Variants in KCNH8 observed in about 807,000 individuals in gnomAD.
KCNH8 encodes voltage-gated delayed rectifier potassium channel KCNH8.
Under a neutral mutation model 103.6 loss-of-function variants are expected in KCNH8, and 70 were observed. The observed-to-expected ratio is 0.68, with a 90% CI of 0.56 to 0.82. The LOEUF (loss-of-function observed/expected upper bound fraction) is 0.82. Among genes scored for constraint, KCNH8 ranks in the 40% least tolerant of loss-of-function variants. The pLI is 0.00. For synonymous variants in KCNH8, 498 were observed against 489.4 expected, an observed-to-expected ratio of 1.02 and a Z score of -0.23; for missense variants, 1,217 against 1,329.9, an observed-to-expected ratio of 0.92 and a Z score of 1.32.
chr3:19,367,478 A>G (rs1338328235), intron 5 of KCNH8, among the ~76,000 whole-genome samples: 5 of 148,100 alleles, frequency 3.4e-5, no homozygotes, highest in African/African-American at 9.8e-5. Flanking sequence ...ATATATATAT[A>G]TCAGAAATAA....
intron 1 of KCNH8, among the ~76,000 whole-genome samples, chr3:19,153,932 C>A (rs2063155766): frequency 1.3e-5 from 2 of 152,020 alleles, no homozygotes; most frequent in Non-Finnish European, 2.9e-5. Flanking sequence ...GCACCTGGCC[C>A]AATCATTTTT....
At chr3:19,417,425 A>G (rs1176683876) in intron 7 of KCNH8, among the ~76,000 whole-genome samples, 2 of 151,764 alleles carry the variant, frequency 1.3e-5, no homozygotes, top group Non-Finnish European at 2.9e-5. Flanking sequence ...GGCCAACTGA[A>G]TAAGGTTTAA....
At chr3:19,429,397 A>T (rs948728248) in intron 7 of KCNH8, among the ~76,000 whole-genome samples, 1 of 151,662 alleles carries the variant, frequency 6.6e-6, no homozygotes, top group Non-Finnish European at 1.5e-5. Flanking sequence ...GATGGTCTCC[A>T]TCTCCTGACC....
At chr3:19,234,016 C>T (rs1461044828) in intron 1 of KCNH8, among the ~76,000 whole-genome samples, 1 of 152,146 alleles carries the variant, frequency 6.6e-6, no homozygotes, top group Admixed American at 6.5e-5. Context: ...AAAGCTTCCA[C>T]AGTGTGGAAG....
chr3:19,524,822 T>C (rs1360054641), intron 15 of KCNH8, among the ~76,000 whole-genome samples: 3 of 151,904 alleles, frequency 2.0e-5, no homozygotes, highest in Non-Finnish European at 4.4e-5. Flanking sequence ...TAAAAGGTTA[T>C]TTACAAAGAA....
At chr3:19,416,778 C>A (rs1403564816) in intron 7 of KCNH8, among the ~76,000 whole-genome samples, 1 of 152,112 alleles carries the variant, frequency 6.6e-6, no homozygotes, top group African/African-American at 2.4e-5. Context: ...TCCTGTGCCT[C>A]ATAGATAGTG....
chr3:19,246,271 GTTGT>G (rs2064204062), intron 1 of KCNH8, among the ~76,000 whole-genome samples: 4 of 100,644 alleles, frequency 4.0e-5, no homozygotes, highest in African/African-American at 1.5e-4. Context: ...TTTTGTTGTT[GTTGT>G]TTTTTTTTTT....
intron 1 of KCNH8, among the ~76,000 whole-genome samples, chr3:19,188,231 T>C (rs1225796886): frequency 2.0e-5 from 3 of 152,136 alleles, no homozygotes; most frequent in East Asian, 3.9e-4. Context: ...AAAATGTAAC[T>C]TTTATGATAA....
chr3:19,335,218 T>C (rs2065566165), intron 3 of KCNH8, among the ~76,000 whole-genome samples: 1 of 151,828 alleles, frequency 6.6e-6, no homozygotes, highest in Non-Finnish European at 1.5e-5. Flanking sequence ...CTGAGTTATA[T>C]GTAAAATTTG....
At chr3:19,170,683 CAT>C (rs887696637) in intron 1 of KCNH8, among the ~76,000 whole-genome samples, 23 of 140,658 alleles carry the variant, frequency 1.6e-4, no homozygotes, top group Middle Eastern at 3.6e-3. Flanking sequence ...TACACACACA[CAT>C]ATATACACAC....
At chr3:19,437,434 T>C in intron 7 of KCNH8, among the ~76,000 whole-genome samples, 1 of 152,322 alleles carries the variant, frequency 6.6e-6, no homozygotes, top group South Asian at 2.1e-4. Flanking sequence ...TAACTATACA[T>C]ATTTATAAAG....
At chr3:19,486,002 C>T (rs1310861752) in intron 11 of KCNH8, among the ~76,000 whole-genome samples, 4 of 152,188 alleles carry the variant, frequency 2.6e-5, no homozygotes, top group Non-Finnish European at 4.4e-5. Flanking sequence ...GTTCTAGAAT[C>T]TGAGTTAAAG....
chr3:19,299,133 A>C (rs914968997), intron 3 of KCNH8, among the ~76,000 whole-genome samples: 5 of 152,134 alleles, frequency 3.3e-5, no homozygotes, highest in Non-Finnish European at 5.9e-5. Flanking sequence ...GGGATGTCCC[A>C]AAAGAGACTT....
intron 5 of KCNH8, among the ~76,000 whole-genome samples, chr3:19,357,408 A>T (rs1473981682): frequency 2.6e-5 from 4 of 151,766 alleles, no homozygotes; most frequent in African/African-American, 4.8e-5. Context: ...TTTTTGGATG[A>T]TATAAAATGT....
intron 5 of KCNH8, among the ~76,000 whole-genome samples, chr3:19,354,383 T>A (rs2065848629): frequency 6.6e-6 from 1 of 152,130 alleles, no homozygotes; most frequent in Non-Finnish European, 1.5e-5. Flanking sequence ...AAAACTACTT[T>A]AAAGTTCATA....
chr3:19,157,610 T>C (rs2063193426), intron 1 of KCNH8, among the ~76,000 whole-genome samples: 1 of 152,094 alleles, frequency 6.6e-6, no homozygotes, highest in Non-Finnish European at 1.5e-5. Flanking sequence ...AATATTTGTA[T>C]AGCATTTCAG....
At chr3:19,441,113 G>C (rs2067277774) in intron 8 of KCNH8, among the ~76,000 whole-genome samples, 2 of 152,124 alleles carry the variant, frequency 1.3e-5, no homozygotes, top group African/African-American at 2.4e-5. Context: ...AGCAGCAGCA[G>C]GTGGTTTCAG....
chr3:19,206,943 G>A (rs564834933), intron 1 of KCNH8, among the ~76,000 whole-genome samples: 1 of 152,160 alleles, frequency 6.6e-6, no homozygotes, highest in South Asian at 2.1e-4. Flanking sequence ...GAGACTGGAG[G>A]AAATCACGGG....
chr3:19,221,645 T>C (rs1386661135), intron 1 of KCNH8, among the ~76,000 whole-genome samples: 1 of 152,178 alleles, frequency 6.6e-6, no homozygotes, highest in Non-Finnish European at 1.5e-5. Flanking sequence ...TCTACAGCCT[T>C]ATCAATTCTC....
Sources: gnomAD v4.1 joint callset for allele counts (sites outside exome capture counted in the v4.1 genomes callset) on GRCh38, gnomAD v4.1.1 for gene constraint, MANE v1.5 for transcripts, NCBI Gene and HGNC (gene_info 2026-07-23, HGNC 2026-07-21) for gene names.